The following SEMA3E variants were observed in gnomAD, a reference collection of about 807,000 sequenced individuals.
SEMA3E encodes semaphorin 3E, also known as semaphorin-3E.
A neutral mutation model predicts 93.6 loss-of-function variants in SEMA3E; 49 were observed. That is an observed-to-expected ratio of 0.52 (90% CI 0.42 to 0.66). SEMA3E has a LOEUF of 0.66. Ranked by LOEUF, SEMA3E falls within the 30% of genes least tolerant of loss-of-function variation. The probability of loss-of-function intolerance (pLI) is 0.00; values close to 1 mark genes in which losing one functional copy is unlikely to be tolerated. For missense variants in SEMA3E, 906 were observed against 964.8 expected, an observed-to-expected ratio of 0.94 and a Z score of 0.81; for synonymous variants, 363 against 330.7, an observed-to-expected ratio of 1.10 and a Z score of -1.06.
At chr7:83,538,978 T>C (rs1029583616) in intron 1 of SEMA3E, among the ~76,000 whole-genome samples, 9 of 152,138 alleles carry the variant, frequency 5.9e-5, no homozygotes, top group Admixed American at 3.9e-4. Context: ...TCAAATACTT[T>C]GTAAGACTCA....
chr7:83,381,356 A>G (rs1477583194), intron 16 of SEMA3E, among the ~76,000 whole-genome samples: 2 of 151,860 alleles, frequency 1.3e-5, no homozygotes, highest in African/African-American at 4.8e-5. Flanking sequence ...CTCCTATCTC[A>G]AGAGTCTTAG....
At chr7:83,385,837 T>C (rs1787868811) in intron 15 of SEMA3E, among the ~76,000 whole-genome samples, 1 of 152,148 alleles carries the variant, frequency 6.6e-6, no homozygotes, top group Non-Finnish European at 1.5e-5. Context: ...TGCCACTACA[T>C]AAACACAAAT....
chr7:83,455,402 C>G (rs1789459424), intron 4 of SEMA3E, among the ~76,000 whole-genome samples: 1 of 152,322 alleles, frequency 6.6e-6, no homozygotes, highest in Non-Finnish European at 1.5e-5. Context: ...AAAAGAACAG[C>G]TTCATTTCTC....
chr7:83,603,191 G>C (rs891002920), intron 1 of SEMA3E, among the ~76,000 whole-genome samples: 1 of 152,112 alleles, frequency 6.6e-6, no homozygotes, highest in Admixed American at 6.5e-5. Context: ...AAAGCATTTA[G>C]AAAGGTACTG....
chr7:83,529,667 G>A (rs906525628), intron 1 of SEMA3E, among the ~76,000 whole-genome samples: 2 of 152,138 alleles, frequency 1.3e-5, no homozygotes, highest in Non-Finnish European at 2.9e-5. Context: ...AAAAAGCTGA[G>A]CAGAGTGATA....
intron 14 of SEMA3E, among the ~76,000 whole-genome samples, chr7:83,392,101 T>G (rs1034586575): frequency 6.6e-6 from 1 of 152,166 alleles, no homozygotes; most frequent in African/African-American, 2.4e-5. Flanking sequence ...TGGAGGTCTT[T>G]AAGTACCTTT....
In SEMA3E at chr7:83,385,697, A is replaced by T. The variant is rs3801480; in HGVS notation, c.1736-264T>A. Among the ~76,000 whole-genome samples, 5,485 of 152,204 alleles carry T rather than the reference A, an allele frequency of 0.036. 260 individuals are homozygous for T. The highest frequency in any genetic ancestry group is 0.2 in the East Asian group (1,040 of 5,148). Reference sequence around the variant, plus strand: ...GATGGGACAGGATAGTCAAGGCAGTAAGAAGCATCAGTGTTAAACTCATGG... The same window carrying T: ...GATGGGACAGGATAGTCAAGGCAGTTAGAAGCATCAGTGTTAAACTCATGG... On this transcript the variant is annotated intron_variant, in intron 15 of 16. Coordinates refer to ENST00000643230, the MANE Select transcript of SEMA3E (RefSeq NM_012431.3).
At chr7:83,635,217 G>A (rs542857889) in intron 1 of SEMA3E, among the ~76,000 whole-genome samples, 260 of 151,476 alleles carry the variant, frequency 1.7e-3, no homozygotes, top group African/African-American at 6.2e-3. Context: ...TTAGGATCAG[G>A]AAAAATAAGT....
At chr7:83,554,657 A>G (rs1456374484) in intron 1 of SEMA3E, among the ~76,000 whole-genome samples, 1 of 152,150 alleles carries the variant, frequency 6.6e-6, no homozygotes, top group Non-Finnish European at 1.5e-5. Flanking sequence ...CATTTACTTT[A>G]TAACAAGATT....
At chr7:83,496,591 A>G (rs1790495554) in intron 1 of SEMA3E, among the ~76,000 whole-genome samples, 2 of 152,036 alleles carry the variant, frequency 1.3e-5, no homozygotes, top group South Asian at 4.1e-4. Flanking sequence ...ATTTCTATCT[A>G]ATTTGCTATG....
At chr7:83,501,609 C>A (rs1790599481) in intron 1 of SEMA3E, among the ~76,000 whole-genome samples, 1 of 152,198 alleles carries the variant, frequency 6.6e-6, no homozygotes, top group Non-Finnish European at 1.5e-5. Flanking sequence ...GATGCCACCA[C>A]ACCCAGCTAA....
intron 14 of SEMA3E, among the ~76,000 whole-genome samples, chr7:83,388,606 G>A (rs552997257): frequency 6.6e-6 from 1 of 152,052 alleles, no homozygotes; most frequent in East Asian, 1.9e-4. Flanking sequence ...ACCCTAGAGG[G>A]TGATAGCATA....
intron 1 of SEMA3E, among the ~76,000 whole-genome samples, chr7:83,597,552 C>T (rs1259963937): frequency 6.6e-6 from 1 of 152,148 alleles, no homozygotes; most frequent in Non-Finnish European, 1.5e-5. Flanking sequence ...CCAGCTTTCA[C>T]TCATTAAGTT....
intron 2 of SEMA3E, among the ~76,000 whole-genome samples, chr7:83,481,796 A>T (rs193215239): frequency 1.4e-4 from 22 of 152,356 alleles, no homozygotes; most frequent in Admixed American, 9.8e-4. Flanking sequence ...AGTTTATTAA[A>T]TTACAGATTC....
intron 1 of SEMA3E, among the ~76,000 whole-genome samples, chr7:83,493,494 A>G (rs1432003279): frequency 2.0e-5 from 3 of 151,974 alleles, no homozygotes; most frequent in Non-Finnish European, 4.4e-5. Flanking sequence ...AAATTGAGAA[A>G]TATCATTTTA....
intron 16 of SEMA3E, among the ~76,000 whole-genome samples, chr7:83,369,981 C>G (rs771566921): frequency 6.6e-6 from 1 of 151,986 alleles, no homozygotes; most frequent in Non-Finnish European, 1.5e-5. Flanking sequence ...CCTTAAACAT[C>G]TTTTATTTTC....
chr7:83,639,070 C>CCCACT, intron 1 of SEMA3E, among the ~76,000 whole-genome samples: 3 of 138,166 alleles, frequency 2.2e-5, no homozygotes, highest in Non-Finnish European at 4.6e-5. Context: ...GAGATCCCGC[C>CCCACT]ACTGCACTCC....
chr7:83,593,280 CTCTCTGTGTGTGTGTGTGTGTGTGTG>C (rs1792793758), intron 1 of SEMA3E, among the ~76,000 whole-genome samples: 1 of 109,196 alleles, frequency 9.2e-6, no homozygotes, highest in Admixed American at 1.0e-4. Context: ...CTCTCTCTCT[CTCTCTGTGTGTGTGTGTGTGTGTGTG>C]TGTGTGTGTG....
chr7:83,607,250 T>C (rs892886676), intron 1 of SEMA3E, among the ~76,000 whole-genome samples: 8 of 152,236 alleles, frequency 5.3e-5, no homozygotes, highest in African/African-American at 1.9e-4. Flanking sequence ...TGTGTTTAAA[T>C]TATTCTTTTT....
Sources: allele counts gnomAD v4.1 joint callset (sites outside exome capture counted in the v4.1 genomes callset), GRCh38; gene constraint gnomAD v4.1.1; transcripts MANE v1.5; gene names NCBI Gene and HGNC (gene_info 2026-07-23, HGNC 2026-07-21).